GNA12: variants seen among roughly 807,000 people sequenced by gnomAD.
GNA12 encodes the protein guanine nucleotide-binding protein subunit alpha-12.
Under a neutral mutation model 26.0 loss-of-function variants are expected in GNA12, and 9 were observed. The ratio of observed to expected loss-of-function variants is 0.35; its 90% confidence interval spans 0.21 to 0.60. The LOEUF (loss-of-function observed/expected upper bound fraction) is 0.60. Ranked by LOEUF, GNA12 falls within the 20% of genes least tolerant of loss-of-function variation. The pLI, the probability that GNA12 is intolerant of heterozygous loss-of-function variation, is 0.78. For synonymous variants in GNA12, 264 were observed against 219.6 expected (o/e 1.20, Z -1.79); for missense variants, 405 against 525.8 (o/e 0.77, Z 2.25).
At chr7:2,758,873 G>A (rs928848384) in intron 2 of GNA12, among the ~76,000 whole-genome samples, 15 of 152,154 alleles carry the variant, frequency 9.9e-5, no homozygotes, top group East Asian at 3.9e-4. Context: ...TGCTGGGCGC[G>A]GTGGCTCATG....
intron 1 of GNA12, chr7:2,815,029 T>C (rs1043948137): frequency 6.0e-6 from 9 of 1,505,378 alleles, no homozygotes; most frequent in Non-Finnish European, 6.2e-6. Context: ...CCCAATCCAG[T>C]CCCCTGTCAA....
intron 2 of GNA12, among the ~76,000 whole-genome samples, chr7:2,771,475 C>T (rs982334892): frequency 6.6e-6 from 1 of 152,158 alleles, no homozygotes; most frequent in Non-Finnish European, 1.5e-5. Context: ...CCCTTCCTGC[C>T]CAGGCAACCC....
At chr7:2,835,223 G>A (rs977271807) in intron 1 of GNA12, among the ~76,000 whole-genome samples, 5 of 152,166 alleles carry the variant, frequency 3.3e-5, no homozygotes, top group African/African-American at 1.2e-4. Context: ...AAGCTGGCCT[G>A]ATGTCTTCCA....
chr7:2,780,051 C>CATATATATATATAT (rs3996399), intron 2 of GNA12, among the ~76,000 whole-genome samples: 46 of 62,186 alleles, frequency 7.4e-4, no homozygotes, highest in Non-Finnish European at 9.7e-4. Flanking sequence ...TTTCTGTGTA[C>CATATATATATATAT]ATATATATAT....
chr7:2,740,968 C>A (rs1790468536), intron 2 of GNA12, among the ~76,000 whole-genome samples: 1 of 152,152 alleles, frequency 6.6e-6, no homozygotes, highest in Non-Finnish European at 1.5e-5. Flanking sequence ...TGGTGTGAAC[C>A]CGGGAGGCAG....
intron 1 of GNA12, among the ~76,000 whole-genome samples, chr7:2,812,636 AACATCACATC>A (rs3831678): frequency 0.027 from 3,654 of 134,156 alleles, 103 homozygotes; most frequent in African/African-American, 0.059. Flanking sequence ...TCTCAAAAAT[AACATCACATC>A]ACATCACATC....
intron 2 of GNA12, among the ~76,000 whole-genome samples, chr7:2,756,750 G>A (rs1562409254): frequency 6.6e-6 from 1 of 152,298 alleles, no homozygotes; most frequent in East Asian, 1.9e-4. Context: ...AGGGACCTGA[G>A]AATATGATGG....
At chr7:2,812,299 G>A (rs940266461) in intron 1 of GNA12, among the ~76,000 whole-genome samples, 6 of 152,196 alleles carry the variant, frequency 3.9e-5, no homozygotes, top group South Asian at 2.1e-4. Context: ...GCTAAGACAC[G>A]GGCAGAGTCC....
chr7:2,775,179 C>G (rs955218853), intron 2 of GNA12: 28 of 152,256 alleles, frequency 1.8e-4, no homozygotes, highest in African/African-American at 6.3e-4. Context: ...CTCCCTAGCT[C>G]TCCTTTCTGT....
At chr7:2,801,031 G>A (rs2115466557) in intron 1 of GNA12, among the ~76,000 whole-genome samples, 1 of 152,198 alleles carries the variant, frequency 6.6e-6, no homozygotes, top group South Asian at 2.1e-4. Context: ...TTTCTCTGGC[G>A]AGGTCTCGGG....
intron 2 of GNA12, chr7:2,762,879 G>C (rs893463947): frequency 6.9e-7 from 1 of 1,440,158 alleles, no homozygotes; most frequent in Non-Finnish European, 9.2e-7. Flanking sequence ...AGCCCTGCTC[G>C]TGGAGCCATT....
intron 2 of GNA12, among the ~76,000 whole-genome samples, chr7:2,757,295 C>T (rs925873558): frequency 5.9e-5 from 9 of 151,840 alleles, no homozygotes; most frequent in African/African-American, 9.7e-5. Flanking sequence ...CCACCATGCC[C>T]GGCTAATTTT....
chr7:2,752,552 G>A (rs955895180), intron 2 of GNA12, among the ~76,000 whole-genome samples: 2 of 152,072 alleles, frequency 1.3e-5, no homozygotes, highest in African/African-American at 4.8e-5. Flanking sequence ...AAAATCCTAA[G>A]GAAGCTATAA....
At chr7:2,820,964 C>T (rs1181012344) in intron 1 of GNA12, among the ~76,000 whole-genome samples, 1 of 152,210 alleles carries the variant, frequency 6.6e-6, no homozygotes, top group African/African-American at 2.4e-5. Context: ...TGGTCTTGAA[C>T]TGCTGACTTC....
At chr7:2,780,051 CATATATAT>C (rs3996399) in intron 2 of GNA12, among the ~76,000 whole-genome samples, 1,573 of 62,126 alleles carry the variant, frequency 0.025, 48 homozygotes, top group East Asian at 0.096. Context: ...TTTCTGTGTA[CATATATAT>C]ATATATATAT....
intron 2 of GNA12, among the ~76,000 whole-genome samples, chr7:2,742,098 T>G (rs559427941): frequency 6.6e-6 from 1 of 152,158 alleles, no homozygotes; most frequent in East Asian, 1.9e-4. Context: ...CTCAGCTCAC[T>G]GCAGCCTCCG....
At chr7:2,808,740 T>C (rs1217955310) in intron 1 of GNA12, among the ~76,000 whole-genome samples, 1 of 152,202 alleles carries the variant, frequency 6.6e-6, no homozygotes, top group Non-Finnish European at 1.5e-5. Context: ...AGTCTTCTAA[T>C]TGGCTGCTTT....
rs571685362 is a variant in GNA12, at chr7:2,825,449, C to T, written c.309+18404G>A. Among the ~76,000 whole-genome samples, 283 of 152,336 alleles carry T rather than the reference C, an allele frequency of 1.9e-3. 1 individual carries two copies. Among genetic ancestry groups the T allele is most frequent in the African/African-American group, 6.7e-3 (279 of 41,580 alleles). ...GTGCGCCCCCAGCAGTGTATGAAGA[C>T]GCTTTCCTCTTTTCCCTAAAGGGGT... On this transcript the variant is annotated intron_variant, in intron 1 of 3. Transcript: ENST00000275364.
In GNA12 at chr7:2,814,982, G is replaced by C. The variant is rs111929447; in HGVS notation, c.310-19839C>G. 1.5e-3 allele frequency: 2,280 copies of C among 1,551,950 alleles called. 34 individuals are homozygous for C. In the African/African-American group the frequency reaches 0.027, roughly 18 times the overall value. ...CTCTGCACTCGGCATGGCTGACAAG[G>C]ACGTCACTGTATCCAGGTCTAATCT... On this transcript the variant is annotated intron_variant, in intron 1 of 3. Coordinates refer to ENST00000275364, the MANE Select transcript of GNA12 (RefSeq NM_007353.3).
Sources: allele counts gnomAD v4.1 joint callset (sites outside exome capture counted in the v4.1 genomes callset), GRCh38; gene constraint gnomAD v4.1.1; transcripts MANE v1.5; gene names NCBI Gene and HGNC (gene_info 2026-07-23, HGNC 2026-07-21).